Variants in CEP250 observed in about 807,000 individuals in gnomAD.
The protein encoded by CEP250 is centrosomal protein 250.
Under a neutral mutation model 315.7 loss-of-function variants are expected in CEP250, and 242 were observed. The ratio of observed to expected loss-of-function variants is 0.77; its 90% CI spans 0.69 to 0.85. The LOEUF is 0.85. CEP250 is among the 40% of genes least tolerant of loss of function. The probability of loss-of-function intolerance (pLI) is 0.00; values close to 1 mark genes in which losing one functional copy is unlikely to be tolerated. For synonymous variants in CEP250, 1,088 were observed against 1,175.0 expected, an observed-to-expected ratio of 0.93 and a Z score of 1.51; for missense variants, 2,515 against 2,886.4, an observed-to-expected ratio of 0.87 and a Z score of 2.95.
chr20:35,507,690 A>C (rs1343336779), intron 30 of CEP250, 48 bp from the exon 31 acceptor site: 4 of 1,450,740 alleles, frequency 2.8e-6, no homozygotes, highest in Non-Finnish European at 3.8e-6. Flanking sequence ...GTTGGTCTGG[A>C]TATGAGGTTG....
rs2062605406 is a variant in CEP250 at position 35,455,760 on chromosome 20, G to A, written c.-298+9G>A. On this transcript the variant is annotated intron_variant, in intron 1 of 34. Transcript: ENST00000397527. ...GGCCCCTCGTTGACACCGTAAGCTC[G>A]TTCGTTAGATGTTATGCCTTGCCTT... is the stretch of plus-strand genomic sequence containing the variant. 6.6e-6 allele frequency: 1 copy of A among 152,238 alleles called. No individual in the cohort carries two copies. The highest frequency in any genetic ancestry group is 1.9e-4 in the East Asian group (1 of 5,204). 9.4% of individuals were successfully genotyped at this position (152,238 alleles called of 1,614,324 possible).
At position 35,517,589 on chromosome 20, in the gene CEP250, G is replaced by A. The variant is rs2064447108; in HGVS notation, c.*5963G>A. On this transcript the variant is annotated 3_prime_UTR_variant, in exon 35 of 35. Coordinates refer to ENST00000397527, the MANE Select transcript of CEP250 (RefSeq NM_007186.6). Reference sequence around the variant, plus strand: ...TTTAAAATGAAACAAGTGCATGTACGTGGTTAAGACATTTTAGCTAGGAAT... The same window carrying A: ...TTTAAAATGAAACAAGTGCATGTACATGGTTAAGACATTTTAGCTAGGAAT... 6.6e-6 allele frequency: 1 copy of A among 152,050 alleles called. No homozygotes were observed. The highest frequency in any genetic ancestry group is 2.1e-4 in the South Asian group (1 of 4,818). 9.4% of individuals were successfully genotyped at this position (152,050 alleles called of 1,614,324 possible).
At chr20:35,460,768 A>G (rs1286375714) in intron 3 of CEP250, among the ~76,000 whole-genome samples, 2 of 152,274 alleles carry the variant, frequency 1.3e-5, no homozygotes, top group African/African-American at 4.8e-5. Flanking sequence ...ACAATGGCTG[A>G]AAAGAGCTAG....
chr20:35,505,628 G>A (rs1298837463), intron 30 of CEP250, among the ~76,000 whole-genome samples: 1 of 149,058 alleles, frequency 6.7e-6, no homozygotes, highest in Non-Finnish European at 1.5e-5. Flanking sequence ...ACTCGAGCCT[G>A]GGCAAAGAAA....
At chr20:35,483,056 C>T (rs1436958473) in intron 20 of CEP250, among the ~76,000 whole-genome samples, 1 of 151,770 alleles carries the variant, frequency 6.6e-6, no homozygotes, top group Non-Finnish European at 1.5e-5. Flanking sequence ...TGCAGTGGCT[C>T]ATGCCTGTAA....
In CEP250 at chr20:35,504,182, G is replaced by A. The variant is rs767687865; in HGVS notation, c.5813G>A (p.Arg1938Gln). The change falls in exon 30 of 35, where the codon CGG becomes CAG. Residue 1938 changes from arginine (R) to glutamine (Q), a missense_variant. Transcript: ENST00000397527. Reference sequence around the variant, plus strand: ...CAGGCCCAGGCAGTGCTCAAGGAACGGGACCAGGAGCTGGAAGCTCTGCGG... The same window carrying A: ...CAGGCCCAGGCAGTGCTCAAGGAACAGGACCAGGAGCTGGAAGCTCTGCGG... ...WLQAQAVLKE[R>Q]DQELEALRAE... is the part of the protein sequence containing the mutation. 6.8e-6 allele frequency: 11 copies of A among 1,613,532 alleles called. No homozygotes were observed. Among genetic ancestry groups the A allele is most frequent in the Admixed American group, 3.3e-5 (2 of 59,956 alleles).
At chr20:35,474,550 A>G (rs1173313574) in intron 14 of CEP250, among the ~76,000 whole-genome samples, 1 of 152,352 alleles carries the variant, frequency 6.6e-6, no homozygotes, top group Admixed American at 6.5e-5. Flanking sequence ...AGGAAGGTTC[A>G]TGGCATGTTC....
intron 9 of CEP250, among the ~76,000 whole-genome samples, chr20:35,469,121 A>C (rs891281533): frequency 1.3e-5 from 2 of 152,266 alleles, no homozygotes; most frequent in Non-Finnish European, 2.9e-5. Flanking sequence ...ACCAGCCTGG[A>C]CAACATAGTG....
Position 35,472,827 on chromosome 20 carries a change from T to G in CEP250, c.1205T>G (p.Val402Gly). 1 of 1,614,108 alleles carries G rather than the reference T, an allele frequency of 6.2e-7. No homozygotes were observed. The highest frequency in any genetic ancestry group is 8.5e-7 in the Non-Finnish European group (1 of 1,180,024). Reference sequence around the variant, plus strand: ...GTGCTGACTCGGAGACGCCAGGCTGTGCAGGTAGGAACCCTCAGCATTCCA... The same window carrying G: ...GTGCTGACTCGGAGACGCCAGGCTGGGCAGGTAGGAACCCTCAGCATTCCA... ...RSVLTRRRQA[V>G]QDLRQQLAGC... is the part of the protein sequence containing the mutation. The change falls in exon 12 of 35, where the codon GTG (valine) becomes GGG (glycine). Residue 402 changes from valine to glycine, a missense_variant. Val to Gly is a moderately radical substitution (Grantham distance 109). Transcript: ENST00000397527.
intron 32 of CEP250, 42 bp downstream of exon 32, chr20:35,508,232 T>A (rs188777990): frequency 1.2e-6 from 2 of 1,606,212 alleles, no homozygotes; most frequent in Non-Finnish European, 1.7e-6. Context: ...TCTCCACTTC[T>A]CGTGTGGTCC....
chr20:35,467,120 G>A, intron 8 of CEP250, 48 bp downstream of exon 8: 1 of 1,190,304 alleles, frequency 8.4e-7, no homozygotes, highest in Non-Finnish European at 1.1e-6. Flanking sequence ...ACCAATTCTG[G>A]ACTAATAACA....
At position 35,474,072 on chromosome 20, in the gene CEP250, T is replaced by C; in HGVS notation, c.1571+20T>C. Reference sequence around the variant, plus strand: ...GCGTCTGTAAGTGAGACTAGTCTCCTCCTCGCTGGGCCCTGGTCTTTCTTC... The same window carrying C: ...GCGTCTGTAAGTGAGACTAGTCTCCCCCTCGCTGGGCCCTGGTCTTTCTTC... On this transcript the variant is annotated intron_variant, in intron 14 of 34. Transcript: ENST00000397527. 1 of 1,499,496 alleles carries C rather than the reference T, an allele frequency of 6.7e-7. No individual in the cohort carries two copies. Among genetic ancestry groups the C allele is most frequent in the South Asian group, 1.3e-5 (1 of 77,686 alleles). The allele number at this position is 1,499,496 out of a possible 1,614,324, so 92.9% of individuals were successfully genotyped here.
intron 9 of CEP250, 45 bp from the exon 10 acceptor site, chr20:35,469,845 C>A (rs1253185442): frequency 3.7e-6 from 5 of 1,349,584 alleles, no homozygotes; most frequent in Non-Finnish European, 5.2e-6. Context: ...GCTCTGTCCA[C>A]ATCCATGGGC....
At position 35,498,725 on chromosome 20, in the gene CEP250, C is replaced by T. The variant is rs2063919481; in HGVS notation, c.3777+9C>T. The T allele has an allele frequency of 1.3e-6, 2 of 1,559,984 alleles. No homozygotes were observed. The highest frequency in any genetic ancestry group is 4.7e-5 in the East Asian group (2 of 42,202). On this transcript the variant is annotated intron_variant, in intron 27 of 34. Transcript: ENST00000397527. ...AGACTCAACAGACCCGGGTATGTTT[C>T]TCTGCTCCCCTTTCCCGAACTCTTT...
Position 35,473,967 on chromosome 20 carries a change from C to A in CEP250, c.1486C>A (p.Leu496Ile), listed in dbSNP as rs769618712. The change falls in exon 14 of 35, where the codon CTT (leucine) becomes ATT (isoleucine). Residue 496 changes from leucine to isoleucine, a missense_variant. Coordinates refer to ENST00000397527, the MANE Select transcript of CEP250 (RefSeq NM_007186.6). ...GCGCCTGCGAAGGGTAAATGTGGAG[C>A]TTCAGCTGCAGGGGGACTCTGCCCA... ...AWRLRRVNVE[L>I]QLQGDSAQGQ... The A allele has an allele frequency of 1.2e-6, 2 of 1,610,040 alleles. No homozygotes were observed. The highest frequency in any genetic ancestry group is 3.4e-5 in the Admixed American group (2 of 58,678).
rs1454712568 is a variant in CEP250, at chr20:35,503,200, A to T, written c.4831A>T (p.Ile1611Phe). Reference protein sequence around the residue: ...SQELQAQSSQIHDLESHSTVL... With the variant: ...SQELQAQSSQFHDLESHSTVL... ...GGAGCTGCAGGCACAAAGCAGCCAG[A>T]TCCATGACCTGGAGAGCCACAGCAC... Residue 1611 changes from isoleucine (I) to phenylalanine (F), a missense_variant, in exon 30 of 35, where the codon ATC becomes TTC. Ile to Phe is a conservative substitution (Grantham distance 21, BLOSUM62 0). Coordinates refer to ENST00000397527, the MANE Select transcript of CEP250 (RefSeq NM_007186.6). The surrounding 1 kb of genome is among the most constrained non-coding windows in gnomAD (Gnocchi z 4.2). The T allele has an allele frequency of 1.2e-6, 2 of 1,614,004 alleles. No homozygotes were observed. The highest frequency in any genetic ancestry group is 3.3e-5 in the Admixed American group (2 of 59,988).
rs954604115 is a variant in CEP250 at position 35,512,944 on chromosome 20, G to A, written c.*1318G>A. The A allele has an allele frequency of 6.6e-6, 1 of 152,294 alleles. No individual in the cohort carries two copies. Among genetic ancestry groups the A allele is most frequent in the Admixed American group, 6.5e-5 (1 of 15,278 alleles). 9.4% of individuals were successfully genotyped at this position (152,294 alleles called of 1,614,324 possible). ...TGGAATTCCTCTTTACTAAGCCTGG[G>A]GATGGAACTGAGACCTAGCCAAGAA... On this transcript the variant is annotated 3_prime_UTR_variant, in exon 35 of 35. Coordinates refer to ENST00000397527, the MANE Select transcript of CEP250 (RefSeq NM_007186.6).
chr20:35,500,261 GTTTAT>G (rs1252291375), intron 28 of CEP250, 92 bp downstream of exon 28: 29 of 1,469,212 alleles, frequency 2.0e-5, no homozygotes, highest in African/African-American at 2.8e-5. Flanking sequence ...CAGCCACTCT[GTTTAT>G]TTTATTTTAT....
At chr20:35,497,519 T>C (rs944173107) in intron 25 of CEP250, among the ~76,000 whole-genome samples, 200 bp from the exon 26 acceptor site, 4 of 151,524 alleles carry the variant, frequency 2.6e-5, no homozygotes, top group Non-Finnish European at 5.9e-5. Context: ...GGCCCATGTG[T>C]TCAGTAGTCG....
Sources: gnomAD v4.1 joint callset for allele counts (sites outside exome capture counted in the v4.1 genomes callset) on GRCh38, gnomAD v4.1.1 for gene constraint, Gnocchi (gnomAD v3.1) non-coding constraint, MANE v1.5 for transcripts, NCBI Gene and HGNC (gene_info 2026-07-23, HGNC 2026-07-21) for gene names.